Variants in FAM98A observed in about 807,000 individuals in gnomAD.
The protein encoded by FAM98A is protein FAM98A.
FAM98A carries 25 observed loss-of-function variants against 62.9 expected under a neutral mutation model. The observed-to-expected ratio is 0.40, with a 90% CI of 0.29 to 0.56. FAM98A has a LOEUF of 0.56. Ranked by LOEUF, FAM98A falls within the 20% of genes least tolerant of loss-of-function variation. FAM98A has a pLI of 0.51. For missense variants in FAM98A, 653 were observed against 640.7 expected, an observed-to-expected ratio of 1.02 and a Z score of -0.21; for synonymous variants, 252 against 228.6, an observed-to-expected ratio of 1.10 and a Z score of -0.92.
chr2:33,594,000 C>A (rs71447919), intron 2 of FAM98A, among the ~76,000 whole-genome samples: 8,905 of 152,234 alleles, frequency 0.058, 342 homozygotes, highest in Middle Eastern at 0.15. Context: ...CAGAACTTGA[C>A]TACTGTTCTG....
At position 33,588,342 on chromosome 2, in the gene FAM98A, TCAATCCC is replaced by T; in HGVS notation, c.508_514del (p.Gly170LysfsTer4). The stretch of plus-strand genomic sequence containing the variant: ...TGGTACTAAAGGTCTTACTTTTTTT[TCAATCCC>T]GCTGAAGAATTGGAACATAGTTATA... On this transcript the variant is annotated frameshift_variant, in exon 4 of 8. Coordinates refer to ENST00000238823, the MANE Select transcript of FAM98A (RefSeq NM_015475.5). LOFTEE classifies it high-confidence loss of function. 6.2e-7 allele frequency: 1 copy of T among 1,610,464 alleles called. No individual in the cohort carries two copies.
At position 33,585,707 on chromosome 2, in the gene FAM98A, G is replaced by A. The variant is rs992087124; in HGVS notation, c.721-10C>T. The A allele has an allele frequency of 1.9e-6, 3 of 1,604,094 alleles. No individual in the cohort carries two copies. The highest frequency in any genetic ancestry group is 2.6e-6 in the Non-Finnish European group (3 of 1,176,036). On this transcript the variant is annotated splice_polypyrimidine_tract_variant and intron_variant, in intron 6 of 7. Coordinates refer to ENST00000238823, the MANE Select transcript of FAM98A (RefSeq NM_015475.5). ...ATTTTTCTGTCTGGCTCTGTTGAAA[G>A]AAAAGTGTTCAAAGAGAAATGTCAA...
chr2:33,591,730 A>G (rs1219133734), intron 3 of FAM98A, among the ~76,000 whole-genome samples: 2 of 152,180 alleles, frequency 1.3e-5, no homozygotes, highest in South Asian at 2.1e-4. Context: ...TTTCCATACT[A>G]TCTTCCTAAT....
chr2:33,597,241 C>A (rs1192221348), intron 1 of FAM98A, among the ~76,000 whole-genome samples: 1 of 152,104 alleles, frequency 6.6e-6, no homozygotes, highest in Non-Finnish European at 1.5e-5. Context: ...CACCTGTAGT[C>A]CCAGCTACTC....
chr2:33,590,004 G>A (rs573691710), intron 3 of FAM98A, among the ~76,000 whole-genome samples: 4 of 152,064 alleles, frequency 2.6e-5, no homozygotes, highest in South Asian at 2.1e-4. Flanking sequence ...CACAAAATTA[G>A]GTTACCAATA....
intron 1 of FAM98A, among the ~76,000 whole-genome samples, chr2:33,598,198 G>A (rs1052708817): frequency 4.6e-5 from 7 of 152,178 alleles, no homozygotes; most frequent in Admixed American, 1.3e-4. Context: ...CCTAAAGAAA[G>A]GTTTCTCTCA....
At chr2:33,588,581 G>A (rs1454363507) in intron 3 of FAM98A, 62 bp from the exon 4 acceptor site, 15 of 1,406,122 alleles carry the variant, frequency 1.1e-5, no homozygotes, top group Non-Finnish European at 1.5e-5. Flanking sequence ...CATAAGTCTG[G>A]AGTCACAACT....
Position 33,588,130 on chromosome 2 carries a change from G to A in FAM98A, c.522+205C>T, listed in dbSNP as rs771168990. On this transcript the variant is annotated intron_variant, in intron 4 of 7. Transcript: ENST00000238823. Reference sequence around the variant, plus strand: ...AGTTTCCTTTTTGAAAAAGAAACATGCTAACATGTTTTTAGGAAAATACTA... The same window carrying A: ...AGTTTCCTTTTTGAAAAAGAAACATACTAACATGTTTTTAGGAAAATACTA... 1.2e-4 allele frequency: 67 copies of A among 578,942 alleles called. 3 individuals are homozygous for A. Among genetic ancestry groups the A allele is most frequent in the South Asian group, 1.1e-3 (62 of 55,954 alleles). 35.9% of individuals were successfully genotyped at this position (578,942 alleles called of 1,614,324 possible). A position where few individuals can be genotyped will look rare whatever the true frequency, so the allele number is the denominator to read the frequency against.
Position 33,599,153 on chromosome 2 carries a change from G to T in FAM98A, c.53+16C>A, listed in dbSNP as rs202113709. The stretch of plus-strand genomic sequence containing the variant: ...GCAGCGTGGGGCTTGGGAGACCCGT[G>T]CCCTGACAATCTTACCCTAGATCTT... On this transcript the variant is annotated intron_variant, in intron 1 of 7. Coordinates refer to ENST00000238823, the MANE Select transcript of FAM98A (RefSeq NM_015475.5). The T allele has an allele frequency of 1.3e-5, 21 of 1,611,106 alleles. No homozygotes were observed. In the African/African-American group the frequency reaches 1.9e-4, roughly 14 times the overall value.
At chr2:33,595,702 C>A (rs1006620525) in intron 1 of FAM98A, 65 bp from the exon 2 acceptor site, 1 of 1,164,972 alleles carries the variant, frequency 8.6e-7, no homozygotes, top group African/African-American at 1.6e-5. Context: ...ACAGATAAAA[C>A]ATATCTATGT....
intron 6 of FAM98A, among the ~76,000 whole-genome samples, 185 bp from the exon 7 acceptor site, chr2:33,585,882 G>A (rs1296692237): frequency 6.6e-6 from 1 of 152,164 alleles, no homozygotes; most frequent in Admixed American, 6.5e-5. Context: ...AAGTACAGCT[G>A]CCAGACTTGT....
Position 33,585,391 on chromosome 2 carries a change from AG to A in FAM98A, c.941del (p.Pro314LeufsTer218), listed in dbSNP as rs1364495729. ...DRGGRPNEIE[P>X]PPPEMPPWQK... is the part of the protein sequence containing the mutation. ...GCCACGGTGGCATCTCTGGGGGTGG[AG>A]GTTCGATTTCATTGGGTCTACCACC... is the stretch of plus-strand genomic sequence containing the variant. On this transcript the variant is annotated frameshift_variant, in exon 8 of 8. Transcript: ENST00000238823. LOFTEE classifies it high-confidence loss of function. 1 of 1,613,980 alleles carries A rather than the reference AG, an allele frequency of 6.2e-7. No individual in the cohort carries two copies. Among genetic ancestry groups the A allele is most frequent in the Non-Finnish European group, 8.5e-7 (1 of 1,180,006 alleles).
chr2:33,599,163 T>C lies in FAM98A; in HGVS notation c.53+6A>G. The C allele has an allele frequency of 6.2e-7, 1 of 1,612,810 alleles. No homozygotes were observed. Among genetic ancestry groups the C allele is most frequent in the Non-Finnish European group, 8.5e-7 (1 of 1,179,010 alleles). On this transcript the variant is annotated splice_donor_region_variant and intron_variant, in intron 1 of 7. Transcript: ENST00000238823. Reference sequence around the variant, plus strand: ...GCTTGGGAGACCCGTGCCCTGACAATCTTACCCTAGATCTTCCAACGACTC... The same window carrying C: ...GCTTGGGAGACCCGTGCCCTGACAACCTTACCCTAGATCTTCCAACGACTC...
rs940288809 is a variant in FAM98A at position 33,585,187 on chromosome 2, G to A, written c.1146C>T (p.Gly382=). 2.5e-6 allele frequency: 4 copies of A among 1,613,802 alleles called. No homozygotes were observed. Among genetic ancestry groups the A allele is most frequent in the African/African-American group, 1.3e-5 (1 of 74,822 alleles). The change falls in exon 8 of 8, where the codon GGC becomes GGT. Residue 382 remains glycine (G), a synonymous_variant. Coordinates refer to ENST00000238823, the MANE Select transcript of FAM98A (RefSeq NM_015475.5). The part of the protein sequence containing the change: ...GGGRGNKHQG[G]WTDGGSGGGG... ...CTCCACCACTCCCTCCATCTGTCCAGCCTCCTTGATGCTTATTTCCTCTTC... is the reference window on the plus strand; with the variant it reads ...CTCCACCACTCCCTCCATCTGTCCAACCTCCTTGATGCTTATTTCCTCTTC...
At chr2:33,592,259 T>C in intron 2 of FAM98A, 45 bp from the exon 3 acceptor site, 1 of 1,444,980 alleles carries the variant, frequency 6.9e-7, no homozygotes, top group Non-Finnish European at 9.6e-7. Context: ...GTGATTATTT[T>C]TCCATTAGCA....
chr2:33,587,286 T>A lies in FAM98A; in HGVS notation c.557A>T (p.His186Leu), dbSNP rs769934010. The A allele has an allele frequency of 6.2e-7, 1 of 1,613,570 alleles. No homozygotes were observed. The change falls in exon 5 of 8, where the codon CAT becomes CTT. Residue 186 changes from histidine (H) to leucine (L), a missense_variant. His to Leu is a moderately conservative substitution (Grantham distance 99). Coordinates refer to ENST00000238823, the MANE Select transcript of FAM98A (RefSeq NM_015475.5). The part of the protein sequence containing the change: ...KETLAKVPPN[H>L]VGKPLLKKPM... ...CTTCTTCAGTAAAGGCTTTCCCACATGATTAGGTGGAACTTTTGCTAATGT... is the reference window on the plus strand; with the variant it reads ...CTTCTTCAGTAAAGGCTTTCCCACAAGATTAGGTGGAACTTTTGCTAATGT...
chr2:33,585,278 C>T lies in FAM98A; in HGVS notation c.1055G>A (p.Gly352Glu), dbSNP rs997300680. ...GYEHSSYGGR[G>E]GHEQGGGRGG... ...TCTCCCGCCTCCTTGTTCATGACCT[C>T]CTCGTCCTCCGTATGAGGAATGTTC... is the stretch of plus-strand genomic sequence containing the variant. Residue 352 changes from glycine to glutamate, a missense_variant, in exon 8 of 8, where the codon GGA (glycine) becomes GAA (glutamate). Transcript: ENST00000238823. 6.8e-6 allele frequency: 11 copies of T among 1,613,940 alleles called. No individual in the cohort carries two copies. The highest frequency in any genetic ancestry group is 6.7e-5 in the African/African-American group (5 of 74,892).
intron 1 of FAM98A, among the ~76,000 whole-genome samples, chr2:33,597,180 G>A (rs1215735694): frequency 6.6e-6 from 1 of 152,042 alleles, no homozygotes; most frequent in African/African-American, 2.4e-5. Context: ...AATTCCTACT[G>A]TGTGCCAGGT....
intron 1 of FAM98A, among the ~76,000 whole-genome samples, chr2:33,597,935 C>T (rs1052254213): frequency 6.6e-6 from 1 of 152,152 alleles, no homozygotes; most frequent in Non-Finnish European, 1.5e-5. Flanking sequence ...TGTGAACAAG[C>T]GATTCAGTCT....
Sources: gnomAD v4.1 joint callset for allele counts (sites outside exome capture counted in the v4.1 genomes callset) on GRCh38, gnomAD v4.1.1 for gene constraint, MANE v1.5 for transcripts, NCBI Gene and HGNC (gene_info 2026-07-23, HGNC 2026-07-21) for gene names.